The following MYO6 variants were observed in gnomAD, a reference collection of about 807,000 sequenced individuals.
MYO6 encodes myosin VI.
A neutral mutation model predicts 178.7 loss-of-function variants in MYO6; 74 were observed. The observed-to-expected ratio is 0.41, with a 90% CI of 0.34 to 0.50. The LOEUF (loss-of-function observed/expected upper bound fraction) is 0.50. Ranked by LOEUF, MYO6 falls within the 20% of genes least tolerant of loss-of-function variation. The pLI, the probability that MYO6 is intolerant of heterozygous loss-of-function variation, is 0.09. For synonymous variants in MYO6, 477 were observed against 504.6 expected, an observed-to-expected ratio of 0.95 and a Z score of 0.73; for missense variants, 1,330 against 1,547.4, an observed-to-expected ratio of 0.86 and a Z score of 2.36.
chr6:75,887,931 A>G (rs766857498), intron 25 of MYO6, among the ~76,000 whole-genome samples: 1 of 151,890 alleles, frequency 6.6e-6, no homozygotes, highest in Non-Finnish European at 1.5e-5. Flanking sequence ...GTGAGCCGAG[A>G]TCGCGCCACT....
intron 2 of MYO6, among the ~76,000 whole-genome samples, chr6:75,819,283 C>T (rs1771620689): frequency 6.6e-6 from 1 of 152,060 alleles, no homozygotes; most frequent in African/African-American, 2.4e-5. Context: ...CTTAATTTTC[C>T]TCCCTACTTT....
intron 1 of MYO6, among the ~76,000 whole-genome samples, chr6:75,784,139 T>C (rs144312844): frequency 0.016 from 2,462 of 151,846 alleles, 65 homozygotes; most frequent in African/African-American, 0.057. Flanking sequence ...GCCCGGCTAA[T>C]TTTTTGTATT....
At chr6:75,898,762 G>T (rs1030319782) in intron 30 of MYO6, among the ~76,000 whole-genome samples, 2 of 152,120 alleles carry the variant, frequency 1.3e-5, no homozygotes, top group Admixed American at 1.3e-4. Flanking sequence ...TCTCCCTGGG[G>T]TGGTGCTGCC....
Position 75,818,868 on chromosome 6 carries a change from TA to T in MYO6, c.117+1214del, listed in dbSNP as rs3839377. 4.0e-5 allele frequency among the ~76,000 whole-genome samples: 6 copies of T among 149,154 alleles called. No individual in the cohort carries two copies. The South Asian group carries it at 6.4e-4, about 16-fold the overall frequency. On this transcript the variant is annotated intron_variant, in intron 2 of 34. Coordinates refer to ENST00000369977, the MANE Select transcript of MYO6 (RefSeq NM_004999.4). ...TTGTACTTAAAATTCAGTACATGTT[TA>T]AAAAAAAAAGCTCAGTTACTTTACA...
In MYO6 at chr6:75,857,271, T is replaced by C; in HGVS notation, c.1381+17T>C. 3 of 1,607,782 alleles carry C rather than the reference T, an allele frequency of 1.9e-6. No individual in the cohort carries two copies. The highest frequency in any genetic ancestry group is 2.2e-5 in the East Asian group (1 of 44,830). On this transcript the variant is annotated intron_variant, in intron 13 of 34. Coordinates refer to ENST00000369977, the MANE Select transcript of MYO6 (RefSeq NM_004999.4). ...CTGGTTTTGGTAAGTAGAGTTTCTTTTGTGAGTATATATTTGTTTCATATT... is the reference window on the plus strand; with the variant it reads ...CTGGTTTTGGTAAGTAGAGTTTCTTCTGTGAGTATATATTTGTTTCATATT...
intron 20 of MYO6, among the ~76,000 whole-genome samples, chr6:75,874,114 A>G (rs1346466305): frequency 6.6e-6 from 1 of 152,172 alleles, no homozygotes; most frequent in Non-Finnish European, 1.5e-5. Flanking sequence ...AGATTACTTA[A>G]GCTTCAGGGT....
At chr6:75,897,173 G>A (rs2149385009) in intron 29 of MYO6, among the ~76,000 whole-genome samples, 2 of 152,264 alleles carry the variant, frequency 1.3e-5, no homozygotes, top group Admixed American at 1.3e-4. Flanking sequence ...GAAGCTTTAG[G>A]AGAAAAAGAT....
rs1459433243 is a variant in MYO6, at chr6:75,835,917, T to C, written c.514T>C (p.Tyr172His). 1 of 1,604,508 alleles carries C rather than the reference T, an allele frequency of 6.2e-7. No individual in the cohort carries two copies. The highest frequency in any genetic ancestry group is 1.1e-5 in the South Asian group (1 of 90,912). ...KFVLRYLTES[Y>H]GTGQDIDDRI... Reference sequence around the variant, plus strand: ...TTTAAACAGATACCTGACTGAATCCTATGGAACAGGTCAAGATATTGATGA... The same window carrying C: ...TTTAAACAGATACCTGACTGAATCCCATGGAACAGGTCAAGATATTGATGA... Residue 172 changes from tyrosine to histidine, a missense_variant, in exon 7 of 35, where the codon TAT becomes CAT. Around this residue, in one of 3 missense-constraint regions of MYO6, gnomAD observed 613 missense variants for 816.8 expected, o/e 0.75. Transcript: ENST00000369977.
At chr6:75,876,443 A>G (rs140270582) in intron 20 of MYO6, among the ~76,000 whole-genome samples, 12 of 152,334 alleles carry the variant, frequency 7.9e-5, no homozygotes, top group Admixed American at 5.9e-4. Flanking sequence ...AATGCTAACA[A>G]ATACTGGAAA....
At chr6:75,881,933 A>T in intron 23 of MYO6, 115 bp downstream of exon 23, 1 of 1,222,416 alleles carries the variant, frequency 8.2e-7, no homozygotes, top group East Asian at 2.4e-5. Context: ...ACTTGTTCAC[A>T]CTGGGTCCCA....
chr6:75,851,031 T>C (rs1775218574), intron 11 of MYO6, among the ~76,000 whole-genome samples: 1 of 152,210 alleles, frequency 6.6e-6, no homozygotes, highest in African/African-American at 2.4e-5. Flanking sequence ...TCTCTAGCAT[T>C]GTTATACCAA....
At chr6:75,764,696 A>G (rs1025290496) in intron 1 of MYO6, among the ~76,000 whole-genome samples, 3 of 152,092 alleles carry the variant, frequency 2.0e-5, no homozygotes, top group Non-Finnish European at 4.4e-5. Flanking sequence ...TGTGGATTAT[A>G]TCTATTGATA....
intron 10 of MYO6, 48 bp downstream of exon 10, chr6:75,845,025 A>T (rs755407562): frequency 1.4e-6 from 2 of 1,400,228 alleles, no homozygotes; most frequent in Non-Finnish European, 2.0e-6. Flanking sequence ...AAAAAAACTC[A>T]TGCTGAAAGA....
intron 1 of MYO6, among the ~76,000 whole-genome samples, chr6:75,793,953 T>C (rs1347825021): frequency 1.3e-5 from 2 of 151,966 alleles, no homozygotes; most frequent in Non-Finnish European, 2.9e-5. Context: ...TTTCTAAATA[T>C]GAATGGAAAA....
intron 1 of MYO6, among the ~76,000 whole-genome samples, chr6:75,805,017 A>ATTTTT (rs1321808540): frequency 1.2e-3 from 70 of 60,742 alleles, no homozygotes; most frequent in African/African-American, 7.3e-3. Flanking sequence ...ATATATATAT[A>ATTTTT]TATATTTTTT....
chr6:75,905,592 G>A (rs995447653), intron 30 of MYO6, among the ~76,000 whole-genome samples: 8 of 152,168 alleles, frequency 5.3e-5, no homozygotes, highest in Non-Finnish European at 1.0e-4. Context: ...CACGGTGCGC[G>A]CACCCACTGA....
intron 1 of MYO6, among the ~76,000 whole-genome samples, chr6:75,777,770 C>T (rs118058131): frequency 0.019 from 2,857 of 152,136 alleles, 40 homozygotes; most frequent in Non-Finnish European, 0.03. Flanking sequence ...AACACTTATT[C>T]CCTGCCCCCA....
In MYO6 at chr6:75,915,260, G is replaced by A. The variant is rs1781060730; in HGVS notation, c.*248G>A. 1.9e-6 allele frequency: 1 copy of A among 524,216 alleles called. No homozygotes were observed. The highest frequency in any genetic ancestry group is 2.1e-5 in the South Asian group (1 of 48,368). The allele number at this position is 524,216 out of a possible 1,614,324, so 32.5% of individuals were successfully genotyped here. On this transcript the variant is annotated 3_prime_UTR_variant, in exon 35 of 35. Coordinates refer to ENST00000369977, the MANE Select transcript of MYO6 (RefSeq NM_004999.4). Reference sequence around the variant, plus strand: ...TCATTATTCTCTAACTATTACACATGGGCATATTCTGATGTTTCTCATCCT... The same window carrying A: ...TCATTATTCTCTAACTATTACACATAGGCATATTCTGATGTTTCTCATCCT...
chr6:75,807,817 C>A (rs1208127603), intron 1 of MYO6, among the ~76,000 whole-genome samples: 1 of 152,112 alleles, frequency 6.6e-6, no homozygotes, highest in Non-Finnish European at 1.5e-5. Flanking sequence ...TTACTGCAGC[C>A]CGTTTTATCA....
Sources: gnomAD v4.1 joint callset for allele counts (sites outside exome capture counted in the v4.1 genomes callset) on GRCh38, gnomAD v4.1.1 for gene constraint, gnomAD v4.1.1 regional missense constraint, MANE v1.5 for transcripts, NCBI Gene and HGNC (gene_info 2026-07-23, HGNC 2026-07-21) for gene names.